ERBB4: variants seen among roughly 807,000 people sequenced by gnomAD.
ERBB4 encodes receptor tyrosine-protein kinase erbB-4.
A neutral mutation model predicts 158.0 loss-of-function variants in ERBB4; 42 were observed. The ratio of observed to expected loss-of-function variants is 0.27; its 90% CI spans 0.21 to 0.34. The LOEUF (loss-of-function observed/expected upper bound fraction) is 0.34, where lower values mean the gene tolerates loss of function less well. ERBB4 is among the 10% of genes least tolerant of loss of function. ERBB4 has a pLI of 1.00. For synonymous variants in ERBB4, 583 were observed against 558.7 expected, an observed-to-expected ratio of 1.04 and a Z score of -0.61; for missense variants, 1,333 against 1,624.1, an observed-to-expected ratio of 0.82 and a Z score of 3.08.
intron 14 of ERBB4, among the ~76,000 whole-genome samples, chr2:211,672,220 C>A (rs1430053461): frequency 6.6e-6 from 1 of 152,066 alleles, no homozygotes; most frequent in Non-Finnish European, 1.5e-5. Flanking sequence ...TTTAAATTTT[C>A]AATGAAATTG....
intron 2 of ERBB4, among the ~76,000 whole-genome samples, chr2:212,012,526 C>T (rs557693866): frequency 1.3e-4 from 19 of 151,802 alleles, no homozygotes; most frequent in African/African-American, 2.9e-4. Context: ...AGCAATTCTC[C>T]GCCTCAGCCA....
intron 20 of ERBB4, among the ~76,000 whole-genome samples, chr2:211,508,695 A>C (rs956935530): frequency 1.3e-5 from 2 of 152,154 alleles, no homozygotes; most frequent in African/African-American, 4.8e-5. Context: ...ATTCTACTAT[A>C]AGGTCACATG....
intron 1 of ERBB4, among the ~76,000 whole-genome samples, chr2:212,319,145 T>C (rs115812582): frequency 0.014 from 2,188 of 151,718 alleles, 52 homozygotes; most frequent in African/African-American, 0.05. Context: ...TATTCCTCTT[T>C]TAGGGTCAAA....
At chr2:212,173,575 T>C (rs546672495) in intron 1 of ERBB4, among the ~76,000 whole-genome samples, 1 of 152,296 alleles carries the variant, frequency 6.6e-6, no homozygotes, top group South Asian at 2.1e-4. Context: ...CGATATCTAC[T>C]GTGTACCAGG....
chr2:211,780,907 T>C (rs2076016744), intron 4 of ERBB4, among the ~76,000 whole-genome samples: 1 of 152,320 alleles, frequency 6.6e-6, no homozygotes, highest in Admixed American at 6.5e-5. Flanking sequence ...TTCCATAATT[T>C]AGGGTTTTAT....
At chr2:212,304,677 A>C (rs979015084) in intron 1 of ERBB4, among the ~76,000 whole-genome samples, 2 of 151,516 alleles carry the variant, frequency 1.3e-5, no homozygotes, top group African/African-American at 2.4e-5. Flanking sequence ...TGGAAGGTTG[A>C]CACAAAATTC....
intron 1 of ERBB4, among the ~76,000 whole-genome samples, chr2:212,438,959 A>G (rs1246669024): frequency 6.6e-6 from 1 of 152,170 alleles, no homozygotes; most frequent in Admixed American, 6.6e-5. Context: ...TAAAAGTAGC[A>G]TACCAAACCA....
At chr2:211,545,878 T>A (rs2125692457) in intron 20 of ERBB4, among the ~76,000 whole-genome samples, 2 of 152,146 alleles carry the variant, frequency 1.3e-5, no homozygotes, top group Middle Eastern at 3.4e-3. Flanking sequence ...ATTAAGCTAA[T>A]CTTTTGTTCA....
chr2:212,355,845 A>T (rs553396900), intron 1 of ERBB4, among the ~76,000 whole-genome samples: 2 of 151,824 alleles, frequency 1.3e-5, no homozygotes, highest in Non-Finnish European at 2.9e-5. Flanking sequence ...TATATATATA[A>T]AATCATCTAA....
chr2:212,000,052 C>A (rs544844338), intron 2 of ERBB4, among the ~76,000 whole-genome samples: 4 of 151,714 alleles, frequency 2.6e-5, no homozygotes, highest in Non-Finnish European at 5.9e-5. Flanking sequence ...AGTTTCTAAT[C>A]TTTTTGACAT....
chr2:211,815,364 GTGTT>G (rs1327519296), intron 3 of ERBB4, among the ~76,000 whole-genome samples: 1 of 152,092 alleles, frequency 6.6e-6, no homozygotes, highest in African/African-American at 2.4e-5. Flanking sequence ...AGAAAGAAAA[GTGTT>G]TGACTCTCCT....
chr2:212,082,360 G>A (rs2078471895), intron 2 of ERBB4, among the ~76,000 whole-genome samples: 1 of 151,880 alleles, frequency 6.6e-6, no homozygotes, highest in Admixed American at 6.6e-5. Flanking sequence ...TTATTTGCTT[G>A]TTAAACATAG....
intron 24 of ERBB4, 124 bp from the exon 25 acceptor site, chr2:211,420,735 A>G (rs2063497027): frequency 5.7e-6 from 5 of 880,302 alleles, no homozygotes; most frequent in Admixed American, 2.1e-5. Flanking sequence ...ACATTTTAAA[A>G]AAACAAGTCT....
intron 2 of ERBB4, among the ~76,000 whole-genome samples, chr2:211,948,457 A>C (rs1156747093): frequency 1.3e-5 from 2 of 150,284 alleles, no homozygotes; most frequent in Non-Finnish European, 3.0e-5. Flanking sequence ...AAAAAAAAAA[A>C]AAAAAACCTA....
At chr2:212,034,505 A>C (rs1176641801) in intron 2 of ERBB4, among the ~76,000 whole-genome samples, 1 of 152,070 alleles carries the variant, frequency 6.6e-6, no homozygotes, top group East Asian at 1.9e-4. Flanking sequence ...TGGGAAAATG[A>C]AATCAAAGTG....
chr2:211,920,777 T>C (rs946691074), intron 3 of ERBB4, among the ~76,000 whole-genome samples: 1 of 151,756 alleles, frequency 6.6e-6, no homozygotes, highest in Non-Finnish European at 1.5e-5. Flanking sequence ...TGAGCTTTTA[T>C]ATGCCTGCAG....
At chr2:212,409,009 T>C (rs946613697) in intron 1 of ERBB4, among the ~76,000 whole-genome samples, 1 of 152,180 alleles carries the variant, frequency 6.6e-6, no homozygotes, top group Non-Finnish European at 1.5e-5. Flanking sequence ...CTAATTCTCT[T>C]TACAGATAAT....
chr2:211,732,862 A>T (rs2074471888), intron 5 of ERBB4, among the ~76,000 whole-genome samples: 1 of 152,322 alleles, frequency 6.6e-6, no homozygotes, highest in Non-Finnish European at 1.5e-5. Context: ...CTGTAATCCC[A>T]GCTACTCAGG....
chr2:212,207,658 A>G (rs1397040952), intron 1 of ERBB4, among the ~76,000 whole-genome samples: 1 of 152,208 alleles, frequency 6.6e-6, no homozygotes, highest in Non-Finnish European at 1.5e-5. Context: ...AACAAATTAC[A>G]TAATTATGAA....
Sources: gnomAD v4.1 joint callset for allele counts (sites outside exome capture counted in the v4.1 genomes callset) on GRCh38, gnomAD v4.1.1 for gene constraint, MANE v1.5 for transcripts, NCBI Gene and HGNC (gene_info 2026-07-23, HGNC 2026-07-21) for gene names.